SMIM13: variants seen among roughly 807,000 people sequenced by gnomAD.
SMIM13 encodes small integral membrane protein 13, also known as UPF0766 protein C6orf228.
A neutral mutation model predicts 5.9 loss-of-function variants in SMIM13; 3 were observed. The ratio of observed to expected loss-of-function variants is 0.51; its 90% CI spans 0.23 to 1.31. The LOEUF (loss-of-function observed/expected upper bound fraction) is 1.31, where lower values mean the gene tolerates loss of function less well. Among genes scored for constraint, SMIM13 ranks in the 40% most tolerant of loss-of-function variants. The pLI, the probability that SMIM13 is intolerant of heterozygous loss-of-function variation, is 0.18. For synonymous variants in SMIM13, 55 were observed against 46.0 expected (o/e 1.19, Z -0.79); for missense variants, 85 against 109.9 (o/e 0.77, Z 1.01).
At chr6:11,107,520 T>C (rs1581913496) in intron 1 of SMIM13, among the ~76,000 whole-genome samples, 2 of 152,240 alleles carry the variant, frequency 1.3e-5, no homozygotes, top group Admixed American at 1.3e-4. Context: ...TGAAACCCTG[T>C]TGAAGCACTG....
chr6:11,122,352 C>G (rs941513558), intron 1 of SMIM13, among the ~76,000 whole-genome samples: 1 of 152,192 alleles, frequency 6.6e-6, no homozygotes, highest in African/African-American at 2.4e-5. Context: ...TCTGAACTTG[C>G]CTTACTTTTA....
At chr6:11,101,981 G>A (rs750996890) in intron 1 of SMIM13, among the ~76,000 whole-genome samples, 13 of 151,992 alleles carry the variant, frequency 8.6e-5, no homozygotes, top group Non-Finnish European at 1.8e-4. Context: ...CTGGTGATCC[G>A]CCCACCTCAG....
intron 1 of SMIM13, among the ~76,000 whole-genome samples, chr6:11,126,672 T>G (rs1477175472): frequency 6.7e-6 from 1 of 150,204 alleles, no homozygotes; most frequent in Non-Finnish European, 1.5e-5. Flanking sequence ...CTGGATGGTC[T>G]TGATACTTCT....
At chr6:11,121,999 CTGT>C (rs1455162775) in intron 1 of SMIM13, among the ~76,000 whole-genome samples, 1 of 152,192 alleles carries the variant, frequency 6.6e-6, no homozygotes, top group African/African-American at 2.4e-5. Flanking sequence ...CTGTAGTCAA[CTGT>C]TGTTCTGTCT....
At chr6:11,120,265 G>A (rs1758293111) in intron 1 of SMIM13, among the ~76,000 whole-genome samples, 2 of 152,180 alleles carry the variant, frequency 1.3e-5, no homozygotes, top group South Asian at 4.1e-4. Context: ...TTGGGCTGCT[G>A]TAACAGAAAT....
In SMIM13 at chr6:11,093,841, C is replaced by A. The variant is rs564128070; in HGVS notation, c.-473C>A. Among the ~76,000 whole-genome samples the A allele has an allele frequency of 6.6e-6, 1 of 152,222 alleles. No individual in the cohort carries two copies. Among genetic ancestry groups the A allele is most frequent in the African/African-American group, 2.4e-5 (1 of 41,460 alleles). The stretch of plus-strand genomic sequence containing the variant: ...CGGTAGGGGGCCTGGGGCGGAGAAG[C>A]CGCTACAGCCGCGGCCGGGCGACGC... On this transcript the variant is annotated 5_prime_UTR_variant, in exon 1 of 2. Coordinates refer to ENST00000416247, the MANE Select transcript of SMIM13 (RefSeq NM_001135575.2).
At chr6:11,114,191 G>A (rs1758206726) in intron 1 of SMIM13, among the ~76,000 whole-genome samples, 1 of 151,874 alleles carries the variant, frequency 6.6e-6, no homozygotes, top group African/African-American at 2.4e-5. Context: ...TGTTGGCCAG[G>A]CTTGTCTCAA....
chr6:11,125,172 G>A (rs919394218), intron 1 of SMIM13, among the ~76,000 whole-genome samples: 8 of 151,476 alleles, frequency 5.3e-5, no homozygotes, highest in East Asian at 1.9e-4. Flanking sequence ...CAGCTACTTC[G>A]GAGGCTGAGT....
chr6:11,098,465 T>C (rs1314443588), intron 1 of SMIM13, among the ~76,000 whole-genome samples: 1 of 152,244 alleles, frequency 6.6e-6, no homozygotes, highest in East Asian at 1.9e-4. Context: ...GGAGTTTTGC[T>C]CTTGTTGCCC....
At chr6:11,097,326 T>C (rs1323296407) in intron 1 of SMIM13, among the ~76,000 whole-genome samples, 1 of 152,146 alleles carries the variant, frequency 6.6e-6, no homozygotes, top group Non-Finnish European at 1.5e-5. Flanking sequence ...CTCCTCACCC[T>C]ATGACTTTAT....
At chr6:11,101,778 C>T (rs1275400556) in intron 1 of SMIM13, among the ~76,000 whole-genome samples, 2 of 147,088 alleles carry the variant, frequency 1.4e-5, no homozygotes, top group South Asian at 2.1e-4. Flanking sequence ...TCTCATCTGT[C>T]GCCCAGACTG....
In SMIM13 at chr6:11,093,855, G is replaced by T. The variant is rs1028545553; in HGVS notation, c.-459G>T. On this transcript the variant is annotated 5_prime_UTR_variant, in exon 1 of 2. Coordinates refer to ENST00000416247, the MANE Select transcript of SMIM13 (RefSeq NM_001135575.2). The stretch of plus-strand genomic sequence containing the variant: ...GGGCGGAGAAGCCGCTACAGCCGCG[G>T]CCGGGCGACGCTGACATCTGGCATC... Among the ~76,000 whole-genome samples the T allele has an allele frequency of 7.2e-5, 11 of 152,364 alleles. No homozygotes were observed. The highest frequency in any genetic ancestry group is 2.4e-4 in the African/African-American group (10 of 41,580).
intron 1 of SMIM13, among the ~76,000 whole-genome samples, chr6:11,119,633 G>A (rs1397434220): frequency 1.3e-5 from 2 of 150,652 alleles, no homozygotes; most frequent in African/African-American, 4.9e-5. Context: ...CAGCCTGGAC[G>A]ACAGAGCGAG....
intron 1 of SMIM13, among the ~76,000 whole-genome samples, chr6:11,098,464 C>G (rs1314709275): frequency 6.6e-6 from 1 of 152,194 alleles, no homozygotes; most frequent in African/African-American, 2.4e-5. Context: ...TGGAGTTTTG[C>G]TCTTGTTGCC....
At chr6:11,100,406 T>C (rs1757975752) in intron 1 of SMIM13, among the ~76,000 whole-genome samples, 2 of 152,202 alleles carry the variant, frequency 1.3e-5, no homozygotes, top group Admixed American at 1.3e-4. Context: ...TTCCACAATC[T>C]CTTACACTCA....
chr6:11,095,651 C>G (rs1226153891), intron 1 of SMIM13, among the ~76,000 whole-genome samples: 1 of 152,188 alleles, frequency 6.6e-6, no homozygotes. Context: ...TGCATCCGGC[C>G]TTGTATGTAT....
At chr6:11,102,333 TAC>T (rs752661844) in intron 1 of SMIM13, among the ~76,000 whole-genome samples, 13 of 152,268 alleles carry the variant, frequency 8.5e-5, no homozygotes, top group Non-Finnish European at 1.3e-4. Flanking sequence ...CTTAGATTAA[TAC>T]AGTTTTATTT....
At chr6:11,100,997 A>G (rs550514715) in intron 1 of SMIM13, among the ~76,000 whole-genome samples, 1 of 145,954 alleles carries the variant, frequency 6.9e-6, no homozygotes, top group East Asian at 2.0e-4. Flanking sequence ...GAAATTTTCT[A>G]CTAGATTTGT....
intron 1 of SMIM13, chr6:11,111,627 G>A (rs2113651337): frequency 6.6e-6 from 1 of 152,382 alleles, no homozygotes; most frequent in Middle Eastern, 3.4e-3. Flanking sequence ...AACCACGTAC[G>A]AGGGTTGAAC....
Sources: gnomAD v4.1 joint callset for allele counts (sites outside exome capture counted in the v4.1 genomes callset) on GRCh38, gnomAD v4.1.1 for gene constraint, MANE v1.5 for transcripts, NCBI Gene and HGNC (gene_info 2026-07-23, HGNC 2026-07-21) for gene names.